LDLRAD3: variants seen among roughly 807,000 people sequenced by gnomAD.
LDLRAD3 encodes low-density lipoprotein receptor class A domain-containing protein 3.
A neutral mutation model predicts 29.4 loss-of-function variants in LDLRAD3; 20 were observed. The ratio of observed to expected loss-of-function variants is 0.68; its 90% CI spans 0.48 to 0.99. The LOEUF (loss-of-function observed/expected upper bound fraction) is 0.99, where lower values mean the gene tolerates loss of function less well. LDLRAD3 is among the 50% of genes least tolerant of loss of function. LDLRAD3 has a pLI of 0.00. For synonymous variants in LDLRAD3, 157 were observed against 192.7 expected (o/e 0.81, Z 1.53); for missense variants, 420 against 454.3 (o/e 0.92, Z 0.69).
At chr11:36,147,867 TA>T (rs1854221322) in intron 4 of LDLRAD3, among the ~76,000 whole-genome samples, 1 of 152,120 alleles carries the variant, frequency 6.6e-6, no homozygotes, top group African/African-American at 2.4e-5. Context: ...AGTTGTTTTT[TA>T]TTTTTATTTT....
intron 4 of LDLRAD3, among the ~76,000 whole-genome samples, chr11:36,178,565 G>C (rs1854712260): frequency 6.6e-6 from 1 of 151,940 alleles, no homozygotes; most frequent in Non-Finnish European, 1.5e-5. Flanking sequence ...CCGTGCATTT[G>C]AGTCCAGTGG....
intron 2 of LDLRAD3, among the ~76,000 whole-genome samples, chr11:36,069,983 A>C (rs1852870518): frequency 6.6e-6 from 1 of 152,208 alleles, no homozygotes. Context: ...CCTTCCCCTG[A>C]GAAGCCTGTT....
rs536844488 is a variant in LDLRAD3 at position 36,229,286 on chromosome 11, C to T, written c.927C>T (p.Ser309=). Reference sequence around the variant, plus strand: ...ACAGTGCCAGCTCCCAGGCAGCCAGCAGCCTCCTGAGCGTGGAAGACACCA... The same window carrying T: ...ACAGTGCCAGCTCCCAGGCAGCCAGTAGCCTCCTGAGCGTGGAAGACACCA... ...SANSASSQAA[S]SLLSVEDTSH... Residue 309 remains serine (S), a synonymous_variant, in exon 6 of 6, where the codon AGC becomes AGT. Transcript: ENST00000315571. 43 of 1,614,140 alleles carry T rather than the reference C, an allele frequency of 2.7e-5. No homozygotes were observed. The South Asian group carries it at 4.3e-4, about 16-fold the overall frequency.
At chr11:36,109,007 G>A (rs1056448138) in intron 4 of LDLRAD3, among the ~76,000 whole-genome samples, 6 of 151,534 alleles carry the variant, frequency 4.0e-5, no homozygotes, top group Non-Finnish European at 5.9e-5. Context: ...CTGAAGGCAG[G>A]CCAGGAGGAT....
chr11:36,119,507 GT>G (rs34921040), intron 4 of LDLRAD3, among the ~76,000 whole-genome samples: 26 of 147,552 alleles, frequency 1.8e-4, no homozygotes, highest in East Asian at 4.0e-4. Flanking sequence ...TCTCTGTGTT[GT>G]TTTTTTTTTT....
intron 4 of LDLRAD3, among the ~76,000 whole-genome samples, chr11:36,172,849 T>C (rs1471670545): frequency 6.6e-6 from 1 of 152,180 alleles, no homozygotes; most frequent in South Asian, 2.1e-4. Flanking sequence ...CATAGAAAGA[T>C]TTAGGGAGAA....
At chr11:35,972,584 T>G (rs555328756) in intron 1 of LDLRAD3, 7 of 152,314 alleles carry the variant, frequency 4.6e-5, no homozygotes, top group Admixed American at 3.3e-4. Flanking sequence ...GGTAGCTGTT[T>G]ACGTGCAAGA....
intron 4 of LDLRAD3, among the ~76,000 whole-genome samples, chr11:36,156,296 T>C (rs1024239972): frequency 1.3e-5 from 2 of 152,150 alleles, no homozygotes; most frequent in African/African-American, 4.8e-5. Context: ...GATCCCCAAC[T>C]GAAGAGCTGT....
rs768662503 is a variant in LDLRAD3 at position 36,227,477 on chromosome 11, C to T, written c.800+47C>T. 2.5e-5 allele frequency: 34 copies of T among 1,383,184 alleles called. No individual in the cohort carries two copies. The East Asian group carries it at 2.8e-4, about 11-fold the overall frequency. The allele number at this position is 1,383,184 out of a possible 1,614,324, so 85.7% of individuals were successfully genotyped here. On this transcript the variant is annotated intron_variant, in intron 5 of 5. Transcript: ENST00000315571. The stretch of plus-strand genomic sequence containing the variant: ...TTGAGGCGGGAGAGGTCATCCATTG[C>T]GGGGAGGGGAATAGGTGCACACACT...
chr11:36,041,508 T>G (rs1319740566), intron 2 of LDLRAD3, among the ~76,000 whole-genome samples: 1 of 152,232 alleles, frequency 6.6e-6, no homozygotes, highest in African/African-American at 2.4e-5. Context: ...TTAAAAAGAT[T>G]CTAAAAACGT....
intron 2 of LDLRAD3, among the ~76,000 whole-genome samples, chr11:36,063,200 G>A (rs1279142678): frequency 6.6e-6 from 1 of 152,118 alleles, no homozygotes; most frequent in Non-Finnish European, 1.5e-5. Context: ...ACTTTGCCTG[G>A]GGAGGAATTG....
At chr11:36,176,911 C>T (rs1448781699) in intron 4 of LDLRAD3, among the ~76,000 whole-genome samples, 1 of 152,170 alleles carries the variant, frequency 6.6e-6, no homozygotes, top group Non-Finnish European at 1.5e-5. Flanking sequence ...ATACGTTTTC[C>T]AAAATTCTGG....
chr11:36,003,600 G>C (rs1441678128), intron 1 of LDLRAD3, among the ~76,000 whole-genome samples: 1 of 152,188 alleles, frequency 6.6e-6, no homozygotes, highest in Non-Finnish European at 1.5e-5. Context: ...TAGATTACAT[G>C]ATCTCCCTTT....
At chr11:36,148,742 A>G (rs1311765499) in intron 4 of LDLRAD3, among the ~76,000 whole-genome samples, 1 of 152,150 alleles carries the variant, frequency 6.6e-6, no homozygotes. Context: ...AAGACTCCCA[A>G]GCTATATCTT....
intron 1 of LDLRAD3, among the ~76,000 whole-genome samples, chr11:35,981,944 G>A (rs1395645137): frequency 6.6e-6 from 1 of 152,130 alleles, no homozygotes; most frequent in Non-Finnish European, 1.5e-5. Context: ...GTGTAGCCTG[G>A]GAGTCGGAGC....
intron 2 of LDLRAD3, among the ~76,000 whole-genome samples, chr11:36,064,902 C>T (rs1375103101): frequency 6.6e-6 from 1 of 152,066 alleles, no homozygotes; most frequent in African/African-American, 2.4e-5. Flanking sequence ...TGATTGCATT[C>T]CTTTTAACTG....
chr11:36,033,118 C>A (rs971630733), intron 1 of LDLRAD3, among the ~76,000 whole-genome samples: 2 of 152,134 alleles, frequency 1.3e-5, no homozygotes, highest in South Asian at 2.1e-4. Flanking sequence ...AGTGATCCAC[C>A]CGCCTCGGCC....
intron 3 of LDLRAD3, among the ~76,000 whole-genome samples, chr11:36,093,349 G>C (rs1479459229): frequency 6.6e-6 from 1 of 152,052 alleles, no homozygotes; most frequent in African/African-American, 2.4e-5. Context: ...AGAAATCTCA[G>C]CCATACGTCT....
At chr11:36,022,723 A>G (rs1310731568) in intron 1 of LDLRAD3, among the ~76,000 whole-genome samples, 1 of 152,176 alleles carries the variant, frequency 6.6e-6, no homozygotes, top group Non-Finnish European at 1.5e-5. Context: ...TTTAATTTTT[A>G]AACTTGCTTC....
Sources: allele counts gnomAD v4.1 joint callset (sites outside exome capture counted in the v4.1 genomes callset), GRCh38; gene constraint gnomAD v4.1.1; transcripts MANE v1.5; gene names NCBI Gene and HGNC (gene_info 2026-07-23, HGNC 2026-07-21).